The following THRB variants were observed in gnomAD, a reference collection of about 807,000 sequenced individuals.
The protein encoded by THRB is thyroid hormone receptor beta, also known as nuclear receptor subfamily 1 group A member 2.
In THRB, 12 loss-of-function variants were observed where a neutral mutation model predicts 47.8. The observed-to-expected ratio is 0.25, with a 90% CI of 0.16 to 0.41. THRB has a LOEUF of 0.41. Among genes scored for constraint, THRB ranks in the 10% least tolerant of loss-of-function variants. The probability of loss-of-function intolerance (pLI) is 1.00; values close to 1 mark genes in which losing one functional copy is unlikely to be tolerated. For missense variants in THRB, 348 were observed against 589.2 expected (o/e 0.59, Z 4.24); for synonymous variants, 218 against 212.2 (o/e 1.03, Z -0.24).
In THRB at chr3:24,465,013, A is replaced by G. The variant is rs151167016; in HGVS notation, c.-261+29639T>C. On this transcript the variant is annotated intron_variant, in intron 1 of 10. Transcript: ENST00000646209. ...CTTATTTAGATTTCCCATTATGTTTACAAAATTCTTCACTCACTATTTTTT... is the reference window on the plus strand; with the variant it reads ...CTTATTTAGATTTCCCATTATGTTTGCAAAATTCTTCACTCACTATTTTTT... Among the ~76,000 whole-genome samples, 590 of 152,250 alleles carry G rather than the reference A, an allele frequency of 3.9e-3. 11 individuals are homozygous for G. Among genetic ancestry groups the G allele is most frequent in the African/African-American group, 0.012 (515 of 41,542 alleles).
At chr3:24,282,635 C>T (rs1284210846) in intron 3 of THRB, among the ~76,000 whole-genome samples, 3 of 143,836 alleles carry the variant, frequency 2.1e-5, no homozygotes, top group Non-Finnish European at 3.0e-5. Context: ...AGAAAGTTAA[C>T]GAATCCAGGA....
At chr3:24,424,752 G>A (rs1441135173) in intron 1 of THRB, among the ~76,000 whole-genome samples, 1 of 151,788 alleles carries the variant, frequency 6.6e-6, no homozygotes, top group Non-Finnish European at 1.5e-5. Flanking sequence ...AAAAGTAAAT[G>A]CATTGTTTTA....
intron 3 of THRB, among the ~76,000 whole-genome samples, chr3:24,294,997 G>A (rs1046246351): frequency 6.6e-6 from 1 of 152,166 alleles, no homozygotes; most frequent in Non-Finnish European, 1.5e-5. Context: ...TAAAATCCAT[G>A]TTAGCTTTCT....
chr3:24,468,356 A>G (rs1008608137), intron 1 of THRB, among the ~76,000 whole-genome samples: 12 of 152,180 alleles, frequency 7.9e-5, no homozygotes, highest in African/African-American at 2.9e-4. Flanking sequence ...AATTTTCTTC[A>G]AGAACTTTTC....
intron 1 of THRB, among the ~76,000 whole-genome samples, chr3:24,388,483 C>A (rs1056539000): frequency 6.6e-6 from 1 of 152,148 alleles, no homozygotes; most frequent in African/African-American, 2.4e-5. Flanking sequence ...CACATCATAA[C>A]CCAAAGGTTG....
At chr3:24,479,716 T>G (rs1048143082) in intron 1 of THRB, among the ~76,000 whole-genome samples, 11 of 152,124 alleles carry the variant, frequency 7.2e-5, no homozygotes, top group African/African-American at 1.7e-4. Context: ...AAAGTCCAAA[T>G]GAGGCCAACA....
chr3:24,187,606 A>G (rs2149552245), intron 5 of THRB, among the ~76,000 whole-genome samples: 1 of 152,304 alleles, frequency 6.6e-6, no homozygotes, highest in South Asian at 2.1e-4. Context: ...CACTCAATAA[A>G]CACCGATGAG....
intron 1 of THRB, among the ~76,000 whole-genome samples, chr3:24,432,125 G>A: frequency 6.6e-6 from 1 of 151,878 alleles, no homozygotes; most frequent in Admixed American, 6.6e-5. Context: ...CTTCATGGGG[G>A]ATTTATTCCA....
rs182326867 is a variant in THRB at position 24,279,490 on chromosome 3, T to G, written c.-43+17736A>C. On this transcript the variant is annotated intron_variant, in intron 3 of 10. Coordinates refer to ENST00000646209, the MANE Select transcript of THRB (RefSeq NM_001354712.2). ...AGCTCCACCTCCCGGGTTCACGCCA[T>G]TCTCCTGCCTCAGCCTCCCGAGTAG... Among the ~76,000 whole-genome samples, 392 of 152,110 alleles carry G rather than the reference T, an allele frequency of 2.6e-3. 9 individuals carry two copies. The highest frequency in any genetic ancestry group is 0.025 in the East Asian group (127 of 5,156).
rs2031548177 is a variant in THRB at position 24,120,840 on chromosome 3, G to A, written c.*2044C>T. 1 of 152,164 alleles carries A rather than the reference G, an allele frequency of 6.6e-6. No individual in the cohort carries two copies. Among genetic ancestry groups the A allele is most frequent in the Non-Finnish European group, 1.5e-5 (1 of 68,016 alleles). 9.4% of individuals were successfully genotyped at this position (152,164 alleles called of 1,614,324 possible). On this transcript the variant is annotated 3_prime_UTR_variant, in exon 11 of 11. Coordinates refer to ENST00000646209, the MANE Select transcript of THRB (RefSeq NM_001354712.2). ...AAATCTTTTCACTTCCTTTCTCTGG[G>A]TAACAAGTTCCATAGCAATGTTCTT...
intron 2 of THRB, among the ~76,000 whole-genome samples, chr3:24,306,058 G>T (rs549913101): frequency 8.6e-5 from 13 of 152,008 alleles, no homozygotes; most frequent in Admixed American, 2.6e-4. Flanking sequence ...TTCAATTTTT[G>T]TTGTTGTTGT....
rs114857028 is a variant in THRB, at chr3:24,450,450, T to C, written c.-261+44202A>G. Among the ~76,000 whole-genome samples the C allele has an allele frequency of 9.4e-3, 1,435 of 152,346 alleles. 25 individuals carry two copies. The highest frequency in any genetic ancestry group is 0.033 in the African/African-American group (1,372 of 41,578). Reference sequence around the variant, plus strand: ...AGAAACCTCATTACAAAAAGTGACATTTTATCTCCATTTGTGCATTTATGA... The same window carrying C: ...AGAAACCTCATTACAAAAAGTGACACTTTATCTCCATTTGTGCATTTATGA... On this transcript the variant is annotated intron_variant, in intron 1 of 10. Transcript: ENST00000646209.
chr3:24,304,129 A>C (rs555448338), intron 2 of THRB, among the ~76,000 whole-genome samples: 2 of 152,282 alleles, frequency 1.3e-5, no homozygotes, highest in African/African-American at 4.8e-5. Context: ...AACTTTTGGA[A>C]GTGATCAAGG....
chr3:24,299,902 CA>C (rs1009648183), intron 2 of THRB, among the ~76,000 whole-genome samples: 1 of 151,226 alleles, frequency 6.6e-6, no homozygotes, highest in Non-Finnish European at 1.5e-5. Flanking sequence ...GAAAATACTC[CA>C]GGGGAATTAC....
chr3:24,313,750 T>C (rs2057918015), intron 2 of THRB, among the ~76,000 whole-genome samples: 1 of 152,136 alleles, frequency 6.6e-6, no homozygotes, highest in Non-Finnish European at 1.5e-5. Flanking sequence ...GTACATTTCC[T>C]TTTCTACACT....
intron 3 of THRB, among the ~76,000 whole-genome samples, chr3:24,275,787 A>G (rs918309909): frequency 3.9e-5 from 6 of 152,144 alleles, no homozygotes; most frequent in Admixed American, 1.3e-4. Flanking sequence ...CAGTTGAATC[A>G]ATTGAGGACC....
At chr3:24,452,603 C>T (rs2072770632) in intron 1 of THRB, among the ~76,000 whole-genome samples, 1 of 152,102 alleles carries the variant, frequency 6.6e-6, no homozygotes, top group African/African-American at 2.4e-5. Flanking sequence ...ATGCTTCCTT[C>T]CACTTTCCTC....
chr3:24,376,041 A>G (rs2065262470), intron 1 of THRB, among the ~76,000 whole-genome samples: 1 of 152,192 alleles, frequency 6.6e-6, no homozygotes, highest in Non-Finnish European at 1.5e-5. Context: ...TCAGTATTTG[A>G]GAAAACTTTC....
rs183510989 is a variant in THRB, at chr3:24,316,248, A to C, written c.-188-18877T>G. 2.4e-3 allele frequency among the ~76,000 whole-genome samples: 369 copies of C among 152,314 alleles called. 1 individual carries two copies. The highest frequency in any genetic ancestry group is 8.8e-3 in the African/African-American group (365 of 41,578). On this transcript the variant is annotated intron_variant, in intron 2 of 10. Coordinates refer to ENST00000646209, the MANE Select transcript of THRB (RefSeq NM_001354712.2). ...TAACTGCTGGTCAACCACCAAAACA[A>C]AATTTGGCTGAGCACATACTTCTAA... is the stretch of plus-strand genomic sequence containing the variant.
Sources: allele counts gnomAD v4.1 joint callset (sites outside exome capture counted in the v4.1 genomes callset), GRCh38; gene constraint gnomAD v4.1.1; transcripts MANE v1.5; gene names NCBI Gene and HGNC (gene_info 2026-07-23, HGNC 2026-07-21).